Variants in PCCA observed in about 807,000 individuals in gnomAD.
PCCA encodes the protein propionyl-CoA carboxylase subunit alpha.
A neutral mutation model predicts 101.3 loss-of-function variants in PCCA; 74 were observed. The observed-to-expected ratio is 0.73, with a 90% confidence interval of 0.61 to 0.89. PCCA has a LOEUF of 0.89. Ranked by LOEUF, PCCA falls within the 40% of genes least tolerant of loss-of-function variation. PCCA has a pLI of 0.00. For missense variants in PCCA, 891 were observed against 907.0 expected (o/e 0.98, Z 0.23); for synonymous variants, 294 against 313.6 (o/e 0.94, Z 0.66).
chr13:100,458,707 A>G (rs1242927586), intron 21 of PCCA, among the ~76,000 whole-genome samples: 2 of 152,148 alleles, frequency 1.3e-5, no homozygotes, highest in Admixed American at 6.5e-5. Context: ...AATGAAGGAA[A>G]AGTTTTCCAA....
intron 10 of PCCA, among the ~76,000 whole-genome samples, chr13:100,263,990 C>T (rs544206811): frequency 2.2e-4 from 32 of 142,450 alleles, no homozygotes; most frequent in East Asian, 1.9e-3. Context: ...GTCATATATA[C>T]GGTATCTGTA....
rs763331038 is a variant in PCCA at position 100,400,627 on chromosome 13, G to GTTTTTTTTTTTTT, written c.1747-25004_1747-25003insTTTTTTTTTTTTT. ...TGATGATTGATCTTAGTTCTTTTTA[G>GTTTTTTTTTTTTT]TTCTTTTTTTTTTTTTTTTTGAGAG... On this transcript the variant is annotated intron_variant, in intron 19 of 23. Coordinates refer to ENST00000376285, the MANE Select transcript of PCCA (RefSeq NM_000282.4). 7.0e-4 allele frequency among the ~76,000 whole-genome samples: 56 copies of GTTTTTTTTTTTTT among 80,200 alleles called. 1 individual carries two copies. The highest frequency in any genetic ancestry group is 2.1e-3 in the East Asian group (6 of 2,852). 52.6% of individuals were successfully genotyped at this position (80,200 alleles called of 152,430 possible). A position where few individuals can be genotyped will look rare whatever the true frequency, so the allele number is the denominator to read the frequency against.
At chr13:100,415,917 G>C (rs2078328212) in intron 19 of PCCA, among the ~76,000 whole-genome samples, 2 of 152,146 alleles carry the variant, frequency 1.3e-5, no homozygotes, top group South Asian at 4.1e-4. Flanking sequence ...ATGTCATGAG[G>C]TATCTCTGAG....
intron 12 of PCCA, among the ~76,000 whole-genome samples, chr13:100,300,352 T>C (rs1290552675): frequency 6.6e-6 from 1 of 152,182 alleles, no homozygotes; most frequent in Non-Finnish European, 1.5e-5. Context: ...CAAAGCTTTT[T>C]TTTTAAGACT....
At chr13:100,433,264 G>A (rs186730248) in intron 20 of PCCA, among the ~76,000 whole-genome samples, 3 of 152,240 alleles carry the variant, frequency 2.0e-5, no homozygotes, top group South Asian at 2.1e-4. Context: ...TTTCAGTTTC[G>A]TGCCATCTTT....
chr13:100,326,567 A>G (rs942290078), intron 16 of PCCA, among the ~76,000 whole-genome samples: 4 of 152,194 alleles, frequency 2.6e-5, no homozygotes, highest in Admixed American at 6.5e-5. Flanking sequence ...CAAAAATTAC[A>G]AAGTATATTC....
At chr13:100,129,939 T>C (rs1467779514) in intron 4 of PCCA, among the ~76,000 whole-genome samples, 1 of 152,230 alleles carries the variant, frequency 6.6e-6, no homozygotes, top group Admixed American at 6.5e-5. Flanking sequence ...GTGAAATGTT[T>C]ACCATTTATT....
At chr13:100,463,658 G>A (rs1456904972) in intron 21 of PCCA, among the ~76,000 whole-genome samples, 4 of 152,108 alleles carry the variant, frequency 2.6e-5, no homozygotes, top group African/African-American at 7.2e-5. Flanking sequence ...GAGTGAGCAC[G>A]TAAGTTGATG....
At chr13:100,234,701 C>CT (rs1004051961) in intron 7 of PCCA, among the ~76,000 whole-genome samples, 2 of 151,140 alleles carry the variant, frequency 1.3e-5, no homozygotes, top group African/African-American at 4.9e-5. Context: ...TCCCCCCCCG[C>CT]CCCCTTCTCG....
chr13:100,331,266 A>G (rs2069525624), intron 17 of PCCA, among the ~76,000 whole-genome samples: 1 of 152,226 alleles, frequency 6.6e-6, no homozygotes, highest in Non-Finnish European at 1.5e-5. Flanking sequence ...AGCATTCAAA[A>G]CATAGTTAAC....
chr13:100,240,582 G>A (rs889416110), intron 8 of PCCA, among the ~76,000 whole-genome samples: 2 of 151,480 alleles, frequency 1.3e-5, no homozygotes, highest in Non-Finnish European at 2.9e-5. Context: ...ATGATTTGCA[G>A]ATTTTTTTTA....
At chr13:100,361,135 C>T (rs541907990) in intron 18 of PCCA, among the ~76,000 whole-genome samples, 42 of 151,942 alleles carry the variant, frequency 2.8e-4, no homozygotes, top group African/African-American at 9.7e-4. Context: ...GCCAAGCATT[C>T]GGGGGAGGGA....
At chr13:100,243,937 G>T (rs2061297135) in intron 8 of PCCA, among the ~76,000 whole-genome samples, 1 of 152,100 alleles carries the variant, frequency 6.6e-6, no homozygotes, top group African/African-American at 2.4e-5. Flanking sequence ...ACTTAAGAGG[G>T]ATAAAAATAT....
At chr13:100,247,332 T>A (rs1382482663) in intron 8 of PCCA, among the ~76,000 whole-genome samples, 1 of 148,880 alleles carries the variant, frequency 6.7e-6, no homozygotes, top group Admixed American at 6.8e-5. Flanking sequence ...TTCTCTTGCC[T>A]CAGCCTCCCA....
chr13:100,290,565 T>A (rs1286285188), intron 12 of PCCA, among the ~76,000 whole-genome samples: 3 of 152,196 alleles, frequency 2.0e-5, no homozygotes, highest in Non-Finnish European at 4.4e-5. Flanking sequence ...AACCAGGATA[T>A]GCCTTGGTTT....
At chr13:100,410,757 A>G (rs533459341) in intron 19 of PCCA, among the ~76,000 whole-genome samples, 1 of 151,318 alleles carries the variant, frequency 6.6e-6, no homozygotes, top group South Asian at 2.1e-4. Flanking sequence ...AACCTAGCAC[A>G]CTCTTTTTTT....
chr13:100,294,336 G>T (rs1304443242), intron 12 of PCCA, among the ~76,000 whole-genome samples: 1 of 152,092 alleles, frequency 6.6e-6, no homozygotes, highest in Non-Finnish European at 1.5e-5. Context: ...ACGAATTTTG[G>T]GGGGTACACA....
intron 14 of PCCA, among the ~76,000 whole-genome samples, chr13:100,306,376 T>C (rs1454669563): frequency 1.3e-5 from 2 of 152,226 alleles, no homozygotes; most frequent in Non-Finnish European, 2.9e-5. Flanking sequence ...TTTGATTAGC[T>C]TTTAAATACT....
intron 23 of PCCA, 65 bp from the exon 24 acceptor site, chr13:100,530,033 G>A: frequency 8.0e-7 from 1 of 1,248,562 alleles, no homozygotes; most frequent in Admixed American, 1.7e-5. Context: ...TTAGGAGCCT[G>A]CCGCCTCTTG....
Sources: allele counts gnomAD v4.1 joint callset (sites outside exome capture counted in the v4.1 genomes callset), GRCh38; gene constraint gnomAD v4.1.1; transcripts MANE v1.5; gene names NCBI Gene and HGNC (gene_info 2026-07-23, HGNC 2026-07-21).